Variants in CCDC175 observed in about 807,000 individuals in gnomAD.
The protein encoded by CCDC175 is coiled-coil domain containing 175.
Under a neutral mutation model 114.6 loss-of-function variants are expected in CCDC175, and 100 were observed. That is an observed-to-expected ratio of 0.87 (90% confidence interval 0.74 to 1.03). The LOEUF (loss-of-function observed/expected upper bound fraction) is 1.03. Among genes scored for constraint, CCDC175 ranks in the 50% least tolerant of loss-of-function variants. The probability of loss-of-function intolerance (pLI) is 0.00; values close to 1 mark genes in which losing one functional copy is unlikely to be tolerated. For synonymous variants in CCDC175, 306 were observed against 308.7 expected (o/e 0.99, Z 0.09); for missense variants, 880 against 917.8 (o/e 0.96, Z 0.53).
chr14:59,554,112 A>C (rs532411238), intron 7 of CCDC175, among the ~76,000 whole-genome samples: 1 of 152,144 alleles, frequency 6.6e-6, no homozygotes, highest in African/African-American at 2.4e-5. Flanking sequence ...GCACCAAGCC[A>C]ACCTAATAGA....
intron 3 of CCDC175, among the ~76,000 whole-genome samples, chr14:59,569,981 G>A (rs1347787388): frequency 1.3e-5 from 2 of 152,162 alleles, no homozygotes; most frequent in Non-Finnish European, 2.9e-5. Context: ...GAGAGGCTGC[G>A]TCTCATTAGA....
chr14:59,542,258 T>C (rs898077025), intron 10 of CCDC175, among the ~76,000 whole-genome samples: 5 of 152,358 alleles, frequency 3.3e-5, no homozygotes, highest in Middle Eastern at 3.4e-3. Flanking sequence ...TAATTCACTG[T>C]CATACATGGT....
At chr14:59,519,077 CA>C (rs1246802583) in intron 17 of CCDC175, among the ~76,000 whole-genome samples, 1 of 152,082 alleles carries the variant, frequency 6.6e-6, no homozygotes, top group Non-Finnish European at 1.5e-5. Flanking sequence ...GACAAAAAAC[CA>C]AACACCACAT....
chr14:59,550,866 G>A (rs150737695), intron 8 of CCDC175, among the ~76,000 whole-genome samples: 288 of 152,232 alleles, frequency 1.9e-3, no homozygotes, highest in African/African-American at 6.2e-3. Context: ...TGACTCAAAT[G>A]TTAATCTCCT....
chr14:59,551,548 A>G (rs1595049853), intron 7 of CCDC175, 112 bp from the exon 8 acceptor site: 1 of 507,790 alleles, frequency 2.0e-6, no homozygotes. Flanking sequence ...TGAGTGACAC[A>G]GAAGATGGGT....
intron 17 of CCDC175, among the ~76,000 whole-genome samples, chr14:59,517,957 T>C (rs972491489): frequency 1.3e-5 from 2 of 152,208 alleles, no homozygotes; most frequent in African/African-American, 4.8e-5. Context: ...AGCATGGTAC[T>C]GGTACCAAAA....
chr14:59,547,491 G>A (rs1354414511), intron 8 of CCDC175, among the ~76,000 whole-genome samples: 4 of 152,182 alleles, frequency 2.6e-5, no homozygotes, highest in African/African-American at 9.7e-5. Flanking sequence ...TATTGTTTTA[G>A]TGTGAGGAGA....
intron 10 of CCDC175, among the ~76,000 whole-genome samples, chr14:59,542,170 T>A (rs1296192094): frequency 6.6e-6 from 1 of 152,204 alleles, no homozygotes; most frequent in Non-Finnish European, 1.5e-5. Flanking sequence ...TGACTTGCTT[T>A]TAAAGGTCTA....
chr14:59,520,384 C>T (rs533303863), intron 17 of CCDC175, among the ~76,000 whole-genome samples: 4 of 152,306 alleles, frequency 2.6e-5, no homozygotes, highest in Non-Finnish European at 4.4e-5. Context: ...TTAACAACCA[C>T]TCTGGCAAAT....
chr14:59,519,016 T>C (rs1893271534), intron 17 of CCDC175, among the ~76,000 whole-genome samples: 1 of 152,140 alleles, frequency 6.6e-6, no homozygotes, highest in African/African-American at 2.4e-5. Context: ...ATGTCCTTTG[T>C]AGGGACATGG....
intron 13 of CCDC175, among the ~76,000 whole-genome samples, chr14:59,535,903 C>T (rs1386714914): frequency 7.9e-6 from 1 of 125,808 alleles, no homozygotes; most frequent in Non-Finnish European, 1.7e-5. Flanking sequence ...CAATATCATG[C>T]TCCTTTGGGG....
At chr14:59,554,334 T>C (rs1354995155) in intron 7 of CCDC175, among the ~76,000 whole-genome samples, 1 of 152,166 alleles carries the variant, frequency 6.6e-6, no homozygotes, top group African/African-American at 2.4e-5. Context: ...CTCAACTACA[T>C]GGAAACTGAA....
At chr14:59,514,563 T>C (rs1253155062) in intron 17 of CCDC175, among the ~76,000 whole-genome samples, 1 of 152,124 alleles carries the variant, frequency 6.6e-6, no homozygotes, top group Non-Finnish European at 1.5e-5. Flanking sequence ...AGAAAGGCTA[T>C]CAGTGATGGA....
At chr14:59,551,211 A>AT (rs952551603) in intron 8 of CCDC175, 144 bp downstream of exon 8, 19 of 487,482 alleles carry the variant, frequency 3.9e-5, no homozygotes, top group Non-Finnish European at 6.0e-5. Flanking sequence ...AGGAGATAAA[A>AT]TTTTTTAAAT....
chr14:59,523,855 G>A (rs1414259599), intron 16 of CCDC175, among the ~76,000 whole-genome samples: 1 of 152,130 alleles, frequency 6.6e-6, no homozygotes, highest in Non-Finnish European at 1.5e-5. Flanking sequence ...CGGGCATGGT[G>A]GCGGGCACCT....
intron 19 of CCDC175, among the ~76,000 whole-genome samples, chr14:59,505,568 A>G (rs1892306876): frequency 6.6e-6 from 1 of 152,222 alleles, no homozygotes; most frequent in Admixed American, 6.5e-5. Context: ...AAAAGAAGAA[A>G]TTACAATTAC....
At chr14:59,537,638 T>C (rs1340754999) in intron 13 of CCDC175, among the ~76,000 whole-genome samples, 2 of 152,106 alleles carry the variant, frequency 1.3e-5, no homozygotes, top group South Asian at 4.1e-4. Context: ...CTATCTCAGG[T>C]TGGCTTTTGG....
intron 10 of CCDC175, among the ~76,000 whole-genome samples, chr14:59,542,126 TATC>T (rs760715711): frequency 1.2e-4 from 18 of 152,342 alleles, no homozygotes; most frequent in Non-Finnish European, 2.6e-4. Flanking sequence ...TGTGTGGTGA[TATC>T]ATTCTCCCAT....
chr14:59,505,484 C>T (rs190405033), intron 19 of CCDC175, 169 bp from the exon 20 acceptor site: 1 of 396,626 alleles, frequency 2.5e-6, no homozygotes, highest in East Asian at 3.5e-5. Flanking sequence ...AGGACTATAT[C>T]TTCTGGTCCA....
Sources: gnomAD v4.1 joint callset for allele counts (sites outside exome capture counted in the v4.1 genomes callset) on GRCh38, gnomAD v4.1.1 for gene constraint, MANE v1.5 for transcripts, NCBI Gene and HGNC (gene_info 2026-07-23, HGNC 2026-07-21) for gene names.